CNTNAP2: variants seen among roughly 807,000 people sequenced by gnomAD.
CNTNAP2 encodes contactin-associated protein-like 2.
A neutral mutation model predicts 155.2 loss-of-function variants in CNTNAP2; 98 were observed. The observed-to-expected ratio is 0.63, with a 90% CI of 0.54 to 0.75. CNTNAP2 has a LOEUF of 0.75. Among genes scored for constraint, CNTNAP2 ranks in the 30% least tolerant of loss-of-function variants. The pLI is 0.00. For missense variants in CNTNAP2, 1,727 were observed against 1,688.1 expected (o/e 1.02, Z -0.40); for synonymous variants, 651 against 631.2 (o/e 1.03, Z -0.47).
intron 4 of CNTNAP2, 56 bp downstream of exon 4, chr7:147,044,110 G>A (rs1584801324): frequency 6.3e-7 from 1 of 1,595,372 alleles, no homozygotes; most frequent in Non-Finnish European, 8.6e-7. Flanking sequence ...TAAATAGTAA[G>A]CTGTTTTATT....
intron 18 of CNTNAP2, among the ~76,000 whole-genome samples, chr7:148,191,705 C>T (rs1795204752): frequency 6.6e-6 from 1 of 151,896 alleles, no homozygotes; most frequent in East Asian, 2.0e-4. Context: ...GGGACTAAAC[C>T]CATTCACAGG....
intron 15 of CNTNAP2, among the ~76,000 whole-genome samples, chr7:148,105,597 TA>T (rs1348453023): frequency 6.6e-6 from 1 of 151,934 alleles, no homozygotes; most frequent in Non-Finnish European, 1.5e-5. Context: ...TTTTTTTTTT[TA>T]TTTTTTTGTG....
intron 15 of CNTNAP2, among the ~76,000 whole-genome samples, chr7:148,076,478 C>CAGGCTGG: frequency 7.6e-6 from 1 of 130,798 alleles, no homozygotes; most frequent in Non-Finnish European, 1.6e-5. Context: ...CTCTTTCACC[C>CAGGCTGG]AGGCTGGAGT....
Position 146,749,281 on chromosome 7 carries a change from A to G in CNTNAP2, c.98-24990A>G, listed in dbSNP as rs527369696. 2.0e-5 allele frequency among the ~76,000 whole-genome samples: 3 copies of G among 152,322 alleles called. No individual in the cohort carries two copies. In the East Asian group the frequency reaches 5.8e-4, roughly 29 times the overall value. ...TATGTGTATCTTTACTAAACCTAACAGCAGTTTTCTAAAGTAAACACTTTT... is the reference window on the plus strand; with the variant it reads ...TATGTGTATCTTTACTAAACCTAACGGCAGTTTTCTAAAGTAAACACTTTT... On this transcript the variant is annotated intron_variant, in intron 1 of 23. Transcript: ENST00000361727.
intron 9 of CNTNAP2, among the ~76,000 whole-genome samples, chr7:147,337,564 C>A (rs1261169352): frequency 2.6e-5 from 4 of 152,078 alleles, no homozygotes; most frequent in Non-Finnish European, 5.9e-5. Flanking sequence ...AAAGTTTGAA[C>A]AACAATATCT....
intron 10 of CNTNAP2, among the ~76,000 whole-genome samples, chr7:147,461,805 G>A (rs7795292): frequency 0.78 from 118,480 of 151,712 alleles, 46,621 homozygotes; most frequent in African/African-American, 0.88. Flanking sequence ...AATCATTGGT[G>A]CAGTCTTGAT....
intron 1 of CNTNAP2, among the ~76,000 whole-genome samples, chr7:146,212,402 A>C (rs1182963012): frequency 6.6e-6 from 1 of 152,128 alleles, no homozygotes; most frequent in Non-Finnish European, 1.5e-5. Flanking sequence ...TCCCTGTTTT[A>C]AGATGGTGAG....
At chr7:147,038,060 T>G (rs1400287260) in intron 3 of CNTNAP2, among the ~76,000 whole-genome samples, 2 of 152,064 alleles carry the variant, frequency 1.3e-5, no homozygotes, top group Non-Finnish European at 2.9e-5. Context: ...GAGGCTAAGG[T>G]GGGAGGATCG....
intron 8 of CNTNAP2, among the ~76,000 whole-genome samples, chr7:147,221,641 GA>G (rs1803403983): frequency 6.6e-6 from 1 of 152,076 alleles, no homozygotes; most frequent in Admixed American, 6.5e-5. Flanking sequence ...AAGAAGTTAA[GA>G]AAAAATTTTA....
chr7:147,610,176 T>G (rs1257778707), intron 12 of CNTNAP2, among the ~76,000 whole-genome samples: 3 of 152,256 alleles, frequency 2.0e-5, no homozygotes, highest in African/African-American at 7.2e-5. Flanking sequence ...AAGCATGTTA[T>G]AATGTAAATA....
chr7:147,881,637 A>G (rs931185234), intron 13 of CNTNAP2, among the ~76,000 whole-genome samples: 1 of 152,208 alleles, frequency 6.6e-6, no homozygotes, highest in African/African-American at 2.4e-5. Context: ...CTAGAAGAAT[A>G]GAATAGTTAG....
chr7:148,042,502 G>T (rs569885428), intron 15 of CNTNAP2, among the ~76,000 whole-genome samples: 11 of 152,224 alleles, frequency 7.2e-5, no homozygotes, highest in African/African-American at 2.6e-4. Context: ...GGTTCTGCAG[G>T]TGCTGAATTC....
chr7:146,439,879 T>G (rs186151212), intron 1 of CNTNAP2, among the ~76,000 whole-genome samples: 1 of 151,592 alleles, frequency 6.6e-6, no homozygotes, highest in African/African-American at 2.4e-5. Context: ...ATCTCAGCAC[T>G]TTGGGAGGCC....
intron 3 of CNTNAP2, among the ~76,000 whole-genome samples, chr7:146,959,713 CAA>C (rs1176908836): frequency 0.021 from 1,879 of 90,370 alleles, 44 homozygotes; most frequent in African/African-American, 0.068. Flanking sequence ...CAGCGAGTCT[CAA>C]AAAAAAAAAA....
At chr7:146,958,923 C>T (rs1797496955) in intron 3 of CNTNAP2, among the ~76,000 whole-genome samples, 1 of 152,136 alleles carries the variant, frequency 6.6e-6, no homozygotes, top group South Asian at 2.1e-4. Context: ...TAACTCAACA[C>T]TAATAAGATT....
chr7:146,908,558 A>T (rs1249897865), intron 3 of CNTNAP2, among the ~76,000 whole-genome samples: 3 of 132,120 alleles, frequency 2.3e-5, no homozygotes, highest in African/African-American at 5.9e-5. Flanking sequence ...ACTACTGGGT[A>T]CATAACGAAA....
intron 1 of CNTNAP2, among the ~76,000 whole-genome samples, chr7:146,283,877 G>A (rs535501379): frequency 2.0e-5 from 3 of 151,990 alleles, no homozygotes; most frequent in African/African-American, 7.2e-5. Context: ...AAAATGAAAG[G>A]TGGCTAAAGA....
At chr7:147,039,513 G>T (rs182052285) in intron 3 of CNTNAP2, among the ~76,000 whole-genome samples, 2 of 152,270 alleles carry the variant, frequency 1.3e-5, no homozygotes, top group East Asian at 3.9e-4. Flanking sequence ...ATAGACTCCA[G>T]CTCCATCTCA....
chr7:147,941,327 A>T (rs146500183), intron 14 of CNTNAP2, among the ~76,000 whole-genome samples: 2 of 152,272 alleles, frequency 1.3e-5, no homozygotes, highest in East Asian at 3.9e-4. Context: ...GAGGGTGGGG[A>T]TAGTTCACAC....
Sources: allele counts gnomAD v4.1 joint callset (sites outside exome capture counted in the v4.1 genomes callset), GRCh38; gene constraint gnomAD v4.1.1; transcripts MANE v1.5; gene names NCBI Gene and HGNC (gene_info 2026-07-23, HGNC 2026-07-21).